The following TMTC4 variants were observed in gnomAD, a reference collection of about 807,000 sequenced individuals.
TMTC4 encodes the protein transmembrane O-mannosyltransferase targeting cadherins 4.
A neutral mutation model predicts 86.0 loss-of-function variants in TMTC4; 65 were observed. That is an observed-to-expected ratio of 0.76 (90% confidence interval 0.62 to 0.93). The LOEUF is 0.93. Ranked by LOEUF, TMTC4 falls within the 40% of genes least tolerant of loss-of-function variation. TMTC4 has a pLI of 0.00. For synonymous variants in TMTC4, 379 were observed against 382.5 expected (o/e 0.99, Z 0.11); for missense variants, 866 against 948.1 (o/e 0.91, Z 1.14).
At chr13:100,625,223 T>C (rs1880276163) in intron 15 of TMTC4, 2 of 319,640 alleles carry the variant, frequency 6.3e-6, no homozygotes, top group African/African-American at 4.2e-5. Flanking sequence ...AACTGATGTT[T>C]ATCAGGAAGT....
chr13:100,611,951 G>T (rs879748145), intron 17 of TMTC4, among the ~76,000 whole-genome samples: 7 of 152,234 alleles, frequency 4.6e-5, no homozygotes, highest in Non-Finnish European at 1.0e-4. Flanking sequence ...TTGTGCAGAA[G>T]ATGGAACCTG....
intron 6 of TMTC4, among the ~76,000 whole-genome samples, chr13:100,651,354 T>C (rs1884408253): frequency 1.3e-5 from 2 of 152,164 alleles, no homozygotes; most frequent in Admixed American, 1.3e-4. Context: ...TCAGAAGTAA[T>C]ACCCAGTGTG....
chr13:100,651,605 C>G (rs1884456590), intron 6 of TMTC4, among the ~76,000 whole-genome samples: 1 of 150,290 alleles, frequency 6.7e-6, no homozygotes, highest in African/African-American at 2.4e-5. Flanking sequence ...AGAATAAACT[C>G]AAGCAGTTAA....
At chr13:100,628,459 G>A (rs1037495629) in intron 12 of TMTC4, among the ~76,000 whole-genome samples, 1 of 152,184 alleles carries the variant, frequency 6.6e-6, no homozygotes, top group Non-Finnish European at 1.5e-5. Context: ...GTGAACATGG[G>A]TGTACAAATC....
chr13:100,613,571 C>T (rs902413552), intron 16 of TMTC4, among the ~76,000 whole-genome samples: 6 of 152,100 alleles, frequency 3.9e-5, no homozygotes, highest in African/African-American at 1.4e-4. Context: ...ATGTCATTAG[C>T]CCCAAGGCCA....
At chr13:100,637,863 G>C (rs1216567826) in intron 8 of TMTC4, 67 bp downstream of exon 8, 1 of 1,539,846 alleles carries the variant, frequency 6.5e-7, no homozygotes, top group Non-Finnish European at 8.9e-7. Flanking sequence ...ATTTGAGAAT[G>C]GCATTTTAAA....
At chr13:100,609,686 C>T (rs1321387529) in intron 17 of TMTC4, among the ~76,000 whole-genome samples, 5 of 151,768 alleles carry the variant, frequency 3.3e-5, no homozygotes, top group South Asian at 2.1e-4. Flanking sequence ...TATATACACA[C>T]ACACACACAC....
chr13:100,674,994 A>G, upstream of TMTC4: 1 of 984,770 alleles, frequency 1.0e-6, no homozygotes, highest in Non-Finnish European at 1.2e-6. Flanking sequence ...TCCTCAGCTC[A>G]TTGGCGGACG....
intron 15 of TMTC4, among the ~76,000 whole-genome samples, chr13:100,615,660 C>G (rs1878366284): frequency 6.6e-6 from 1 of 151,380 alleles, no homozygotes; most frequent in Non-Finnish European, 1.5e-5. Context: ...ACGATGTTGC[C>G]CAGGCTGGTC....
At chr13:100,629,496 T>C (rs1566587579) in intron 12 of TMTC4, among the ~76,000 whole-genome samples, 1 of 152,162 alleles carries the variant, frequency 6.6e-6, no homozygotes, top group Non-Finnish European at 1.5e-5. Context: ...CATCTAGGGC[T>C]GTGAAGTTGG....
In TMTC4 at chr13:100,637,953, G is replaced by T; in HGVS notation, c.811C>A (p.Leu271Ile). Residue 271 changes from leucine to isoleucine, a missense_variant, in exon 8 of 19, where the codon CTA (leucine) becomes ATA (isoleucine). Physicochemically the swap from Leu to Ile is conservative, Grantham distance 5. Transcript: ENST00000342624. ...FNVLEIVQKV[L>I]HKDKSLENLG... ...ACCTCTAATGACTTGTCCTTATGTA[G>T]TACCTTCTGGACAATTTCCAGAACA... The T allele has an allele frequency of 6.2e-7, 1 of 1,613,790 alleles. No homozygotes were observed. Among genetic ancestry groups the T allele is most frequent in the Non-Finnish European group, 8.5e-7 (1 of 1,179,828 alleles).
At chr13:100,621,676 C>T (rs936166120) in intron 15 of TMTC4, among the ~76,000 whole-genome samples, 9 of 152,182 alleles carry the variant, frequency 5.9e-5, no homozygotes, top group Middle Eastern at 3.2e-3. Context: ...CCACTCGCCT[C>T]GGCCTTCCAA....
At chr13:100,612,330 G>T in intron 17 of TMTC4, 68 bp downstream of exon 17, 1 of 1,240,410 alleles carries the variant, frequency 8.1e-7, no homozygotes. Flanking sequence ...CTGGGCAGAA[G>T]TAACACTTAC....
At chr13:100,612,810 T>C (rs1344084826) in intron 16 of TMTC4, among the ~76,000 whole-genome samples, 1 of 152,210 alleles carries the variant, frequency 6.6e-6, no homozygotes, top group African/African-American at 2.4e-5. Context: ...TTTTCCCAGA[T>C]ACCAGTTATA....
chr13:100,671,876 CA>C (rs34651640), intron 1 of TMTC4, among the ~76,000 whole-genome samples: 51,579 of 109,306 alleles, frequency 0.47, 10,110 homozygotes, highest in Admixed American at 0.55. Flanking sequence ...CTAGCAAACG[CA>C]AAAAAAAAAA....
At chr13:100,641,668 G>A (rs1373421605) in intron 7 of TMTC4, among the ~76,000 whole-genome samples, 1 of 152,116 alleles carries the variant, frequency 6.6e-6, no homozygotes, top group African/African-American at 2.4e-5. Context: ...TGTATTTTTA[G>A]TAGAGAAGGG....
At chr13:100,661,456 AG>A (rs1207070871) in intron 5 of TMTC4, among the ~76,000 whole-genome samples, 1 of 152,258 alleles carries the variant, frequency 6.6e-6, no homozygotes, top group African/African-American at 2.4e-5. Flanking sequence ...ACGCTAAATT[AG>A]ACGAGAAGGA....
intron 12 of TMTC4, among the ~76,000 whole-genome samples, chr13:100,632,645 C>G (rs7998567): frequency 0.18 from 27,998 of 152,054 alleles, 2,871 homozygotes; most frequent in Admixed American, 0.24. Flanking sequence ...ATATGAATGA[C>G]AGGTTTTAAT....
chr13:100,670,292 C>CA, intron 2 of TMTC4, 68 bp downstream of exon 2: 1 of 1,562,086 alleles, frequency 6.4e-7, no homozygotes, highest in Non-Finnish European at 8.6e-7. Context: ...CCTGAAGTCA[C>CA]AGGCATCTTT....
Sources: gnomAD v4.1 joint callset for allele counts (sites outside exome capture counted in the v4.1 genomes callset) on GRCh38, gnomAD v4.1.1 for gene constraint, MANE v1.5 for transcripts, NCBI Gene and HGNC (gene_info 2026-07-23, HGNC 2026-07-21) for gene names.